MXRA8: variants seen among roughly 807,000 people sequenced by gnomAD.
MXRA8 encodes matrix remodeling-associated protein 8.
Under a neutral mutation model 51.4 loss-of-function variants are expected in MXRA8, and 44 were observed. The observed-to-expected ratio is 0.86, with a 90% CI of 0.67 to 1.10. The LOEUF is 1.10. MXRA8 is among the 50% of genes least tolerant of loss of function. The pLI, the probability that MXRA8 is intolerant of heterozygous loss-of-function variation, is 0.00. For synonymous variants in MXRA8, 369 were observed against 293.5 expected (o/e 1.26, Z -2.63); for missense variants, 765 against 638.9 (o/e 1.20, Z -2.13).
At chr1:1,359,405 C>T (rs1644191773), upstream of MXRA8, 2 of 985,454 alleles carry the variant, frequency 2.0e-6, no homozygotes, top group South Asian at 4.7e-5. Context: ...TAACAGCCTG[C>T]ACTGTGTAGC....
rs1261864438 is a variant in MXRA8, at chr1:1,354,365, C to T, written c.1094G>A (p.Arg365Lys). 7 of 1,611,274 alleles carry T rather than the reference C, an allele frequency of 4.3e-6. No individual in the cohort carries two copies. The South Asian group carries it at 6.6e-5, about 15-fold the overall frequency. The change falls in exon 6 of 10, where the codon AGG (arginine) becomes AAG (lysine). Residue 365 changes from arginine (R) to lysine (K), a missense_variant. By Grantham distance (26) the Arg-to-Lys change is conservative (BLOSUM62 2). Coordinates refer to ENST00000309212, the MANE Select transcript of MXRA8 (RefSeq NM_032348.4). ...LLVTVLLAARRRRGGYEYSDQ... is the reference protein window; with the variant it reads ...LLVTVLLAARKRRGGYEYSDQ... ...CGGGGCAGCCTCACCTCCGCGGCGC[C>T]TGCGGGCGGCCAGGAGGACAGTGAC... is the stretch of plus-strand genomic sequence containing the variant.
upstream of MXRA8, among the ~76,000 whole-genome samples, chr1:1,359,712 A>G (rs1260115660): frequency 1.3e-5 from 2 of 149,946 alleles, no homozygotes; most frequent in Non-Finnish European, 2.9e-5. Flanking sequence ...TAAGGACAGA[A>G]GACCCCACCC....
Position 1,354,830 on chromosome 1 carries a change from C to T in MXRA8, c.801G>A (p.Glu267=), listed in dbSNP as rs1186428698. The T allele has an allele frequency of 3.1e-6, 5 of 1,612,228 alleles. No individual in the cohort carries two copies. The highest frequency in any genetic ancestry group is 4.2e-6 in the Non-Finnish European group (5 of 1,179,690). Residue 267 remains glutamate (E), a synonymous_variant, in exon 5 of 10, where the codon GAG becomes GAA. Coordinates refer to ENST00000309212, the MANE Select transcript of MXRA8 (RefSeq NM_032348.4). ...GGTGCAGGTGGCAGGAGTAGGTGCCCTCGTCGGCGACCTCCAGCGGCTCGA... is the reference window on the plus strand; with the variant it reads ...GGTGCAGGTGGCAGGAGTAGGTGCCTTCGTCGGCGACCTCCAGCGGCTCGA... ...LRIEPLEVAD[E]GTYSCHLHHH...
chr1:1,356,827 G>T (rs1644143979), intron 1 of MXRA8, 123 bp from the exon 2 acceptor site: 4 of 854,404 alleles, frequency 4.7e-6, no homozygotes, highest in Admixed American at 8.2e-5. Flanking sequence ...CCACTTCAGT[G>T]CAGGGAGGAC....
upstream of MXRA8, chr1:1,361,251 C>T (rs1332331625): frequency 1.4e-6 from 1 of 703,534 alleles, no homozygotes; most frequent in South Asian, 1.5e-5. Context: ...CCTGTGGCCG[C>T]ACAGCGGATC....
chr1:1,363,431 G>C (rs1048398942), upstream of MXRA8, among the ~76,000 whole-genome samples: 3 of 146,262 alleles, frequency 2.1e-5, no homozygotes, highest in Non-Finnish European at 4.5e-5. Flanking sequence ...AGATCCATCA[G>C]TTTTTTCTTT....
rs532502120 is a variant in MXRA8, at chr1:1,353,916, T to C, written c.1235A>G (p.Asn412Ser). 6.2e-7 allele frequency: 1 copy of C among 1,609,868 alleles called. No individual in the cohort carries two copies. ...SEDIQLDYKN[N>S]ILKERAELAH... is the part of the protein sequence containing the mutation. ...CAGCTCCGCCCTCTCCTTCAGGATG[T>C]TGTTTTTGTAATCTGTGGGAGGAGA... The change falls in exon 9 of 10, where the codon AAC (asparagine) becomes AGC (serine). Residue 412 changes from asparagine to serine, a missense_variant. By Grantham distance (46) the Asn-to-Ser change is conservative. Transcript: ENST00000309212.
In MXRA8 at chr1:1,354,194, C is replaced by T. The variant is rs1453960689; in HGVS notation, c.1144G>A (p.Gly382Arg). The T allele has an allele frequency of 4.3e-6, 7 of 1,612,718 alleles. No homozygotes were observed. The highest frequency in any genetic ancestry group is 5.1e-6 in the Non-Finnish European group (6 of 1,179,982). ...YSDQKSGKSK[G>R]KDVNLAEFAV... ...GAGGGCCGGGAGGGGGGCACTCACC[C>T]CTTTGACTTTCCCGACTTCTGGTCC... is the stretch of plus-strand genomic sequence containing the variant. The change falls in exon 7 of 10, where the codon GGG becomes AGG. Residue 382 changes from glycine to arginine, a missense_variant and splice_region_variant. Gly to Arg is a moderately radical substitution (Grantham distance 125). Coordinates refer to ENST00000309212, the MANE Select transcript of MXRA8 (RefSeq NM_032348.4).
chr1:1,353,265 G>A lies in MXRA8; in HGVS notation c.*339C>T. On this transcript the variant is annotated 3_prime_UTR_variant, in exon 10 of 10. Coordinates refer to ENST00000309212, the MANE Select transcript of MXRA8 (RefSeq NM_032348.4). Reference sequence around the variant, plus strand: ...TGAGGCTGACCCCAGTTTTGGGGCTGCCAGGTTCTGATGGGAGTGTCCTCC... The same window carrying A: ...TGAGGCTGACCCCAGTTTTGGGGCTACCAGGTTCTGATGGGAGTGTCCTCC... The A allele has an allele frequency of 1.3e-6, 2 of 1,530,538 alleles. No individual in the cohort carries two copies. The highest frequency in any genetic ancestry group is 8.9e-7 in the Non-Finnish European group (1 of 1,128,938). 94.8% of individuals were successfully genotyped at this position (1,530,538 alleles called of 1,614,324 possible).
At chr1:1,361,284 T>A, upstream of MXRA8, 1 of 703,486 alleles carries the variant, frequency 1.4e-6, no homozygotes, top group Non-Finnish European at 2.6e-6. Context: ...AGAGTCCCAC[T>A]TCCTGTCGTT....
At chr1:1,359,471 C>G (rs1285475435), upstream of MXRA8, 1 of 985,370 alleles carries the variant, frequency 1.0e-6, no homozygotes, top group African/African-American at 1.7e-5. Flanking sequence ...TGAACAACCA[C>G]AACCACTAGA....
At chr1:1,361,314 C>A (rs1644220081), upstream of MXRA8, 1 of 703,144 alleles carries the variant, frequency 1.4e-6, no homozygotes, top group African/African-American at 1.7e-5. Context: ...TTGCTGACCA[C>A]CTCCTGGGTG....
In MXRA8 at chr1:1,354,124, G is replaced by C; in HGVS notation, c.1146-18C>G. 1 of 1,612,888 alleles carries C rather than the reference G, an allele frequency of 6.2e-7. No homozygotes were observed. Among genetic ancestry groups the C allele is most frequent in the Non-Finnish European group, 8.5e-7 (1 of 1,179,982 alleles). ...CATCCTTCCTGGATGGCGAGGGTGGGAGGAGGTTACAGCTGGGTGGGGTGA... is the reference window on the plus strand; with the variant it reads ...CATCCTTCCTGGATGGCGAGGGTGGCAGGAGGTTACAGCTGGGTGGGGTGA... On this transcript the variant is annotated intron_variant, in intron 7 of 9. Coordinates refer to ENST00000309212, the MANE Select transcript of MXRA8 (RefSeq NM_032348.4).
rs910317613 is a variant in MXRA8 at position 1,354,874 on chromosome 1, C to G, written c.757G>C (p.Gly253Arg). 3 of 1,611,638 alleles carry G rather than the reference C, an allele frequency of 1.9e-6. No homozygotes were observed. In the South Asian group the frequency reaches 3.3e-5, roughly 18 times the overall value. ...GGCTCGATACGCAGTGAGAAGTCAC[C>G]GCGCTCAAAGGCATCCGCGCCCACA... The part of the protein sequence containing the change: ...VAVGADAFER[G>R]DFSLRIEPLE... The change falls in exon 5 of 10, where the codon GGT (glycine) becomes CGT (arginine). Residue 253 changes from glycine to arginine, a missense_variant. Physicochemically the swap from Gly to Arg is moderately radical, Grantham distance 125. Coordinates refer to ENST00000309212, the MANE Select transcript of MXRA8 (RefSeq NM_032348.4).
Position 1,354,693 on chromosome 1 carries a change from G to C in MXRA8, c.938C>G (p.Ala313Gly). 2 of 1,581,176 alleles carry C rather than the reference G, an allele frequency of 1.3e-6. No homozygotes were observed. Among genetic ancestry groups the C allele is most frequent in the Non-Finnish European group, 1.7e-6 (2 of 1,164,876 alleles). ...GAGGCCTCCTTCACCTGGGCCTGGG[G>C]CGCCGCTGTGGCTGGAGCCGTTGCC... ...SPGNGSSHSG[A>G]PGPDPTLARG... Residue 313 changes from alanine to glycine, a missense_variant, in exon 5 of 10, where the codon GCC becomes GGC. Transcript: ENST00000309212.
chr1:1,353,337 G>A lies in MXRA8; in HGVS notation c.*267C>T. 4 of 1,549,028 alleles carry A rather than the reference G, an allele frequency of 2.6e-6. No individual in the cohort carries two copies. Among genetic ancestry groups the A allele is most frequent in the Non-Finnish European group, 3.5e-6 (4 of 1,146,324 alleles). On this transcript the variant is annotated 3_prime_UTR_variant, in exon 10 of 10. Coordinates refer to ENST00000309212, the MANE Select transcript of MXRA8 (RefSeq NM_032348.4). Reference sequence around the variant, plus strand: ...GCGGGCAGAGCCCAGAAGGGTCTGAGGGCATGATGGGCATCAGTGGGATTT... The same window carrying A: ...GCGGGCAGAGCCCAGAAGGGTCTGAAGGCATGATGGGCATCAGTGGGATTT...
upstream of MXRA8, among the ~76,000 whole-genome samples, chr1:1,362,213 C>T (rs1644230532): frequency 1.3e-5 from 2 of 152,128 alleles, no homozygotes; most frequent in Admixed American, 6.6e-5. Flanking sequence ...GGAGAGCTGC[C>T]CTCCACCACC....
Position 1,352,793 on chromosome 1 carries a change from AC to A in MXRA8, c.*810del, listed in dbSNP as rs1011759059. 2.8e-5 allele frequency: 5 copies of A among 175,910 alleles called. No homozygotes were observed. Among genetic ancestry groups the A allele is most frequent in the Non-Finnish European group, 5.9e-5 (5 of 84,828 alleles). The allele number at this position is 175,910 out of a possible 1,614,324, so 10.9% of individuals were successfully genotyped here. ...ACACAGGCCACCCCAAACCAACTTC[AC>A]TCCCTCCCCTGTCCTCAGCCAGTAC... On this transcript the variant is annotated 3_prime_UTR_variant, in exon 10 of 10. Transcript: ENST00000309212.
upstream of MXRA8, among the ~76,000 whole-genome samples, chr1:1,359,769 G>T (rs1192019925): frequency 1.3e-5 from 2 of 152,214 alleles, no homozygotes; most frequent in African/African-American, 4.8e-5. Context: ...TCCTGGCCCG[G>T]GCGGCGACCT....
Sources: allele counts gnomAD v4.1 joint callset (sites outside exome capture counted in the v4.1 genomes callset), GRCh38; gene constraint gnomAD v4.1.1; transcripts MANE v1.5; gene names NCBI Gene and HGNC (gene_info 2026-07-23, HGNC 2026-07-21).